Variants in GRIP1 observed in about 807,000 individuals in gnomAD.
GRIP1 encodes glutamate receptor-interacting protein 1.
A neutral mutation model predicts 129.9 loss-of-function variants in GRIP1; 45 were observed. The ratio of observed to expected loss-of-function variants is 0.35; its 90% CI spans 0.27 to 0.44. The LOEUF (loss-of-function observed/expected upper bound fraction) is 0.44. Among genes scored for constraint, GRIP1 ranks in the 20% least tolerant of loss-of-function variants. The probability of loss-of-function intolerance (pLI) is 1.00; values close to 1 mark genes in which losing one functional copy is unlikely to be tolerated. For synonymous variants in GRIP1, 530 were observed against 520.8 expected (o/e 1.02, Z -0.24); for missense variants, 1,196 against 1,396.8 (o/e 0.86, Z 2.29).
intron 7 of GRIP1, among the ~76,000 whole-genome samples, chr12:66,484,190 C>A (rs2059891316): frequency 6.6e-6 from 1 of 152,216 alleles, no homozygotes; most frequent in Non-Finnish European, 1.5e-5. Context: ...GATAAGTTAG[C>A]TTTGCTTACT....
intron 1 of GRIP1, among the ~76,000 whole-genome samples, chr12:66,998,054 G>A (rs915359446): frequency 1.3e-5 from 2 of 152,148 alleles, no homozygotes; most frequent in African/African-American, 4.8e-5. Flanking sequence ...AATAATAAAT[G>A]CCAGAAACCA....
At chr12:66,864,836 C>T (rs1483701075) in intron 1 of GRIP1, among the ~76,000 whole-genome samples, 1 of 152,158 alleles carries the variant, frequency 6.6e-6, no homozygotes, top group Non-Finnish European at 1.5e-5. Flanking sequence ...GTTCAAATCT[C>T]TTATCTCTGG....
At chr12:66,999,670 A>G (rs1404849235) in intron 1 of GRIP1, among the ~76,000 whole-genome samples, 1 of 152,212 alleles carries the variant, frequency 6.6e-6, no homozygotes, top group Non-Finnish European at 1.5e-5. Context: ...AGAACTATCT[A>G]AATAATTAAT....
chr12:67,008,294 A>G (rs2042656773), intron 1 of GRIP1, among the ~76,000 whole-genome samples: 1 of 152,230 alleles, frequency 6.6e-6, no homozygotes, highest in African/African-American at 2.4e-5. Context: ...GAAAATATGC[A>G]GAAATAGCTG....
At chr12:66,825,831 A>G (rs2137000080) in intron 1 of GRIP1, among the ~76,000 whole-genome samples, 1 of 152,326 alleles carries the variant, frequency 6.6e-6, no homozygotes, top group South Asian at 2.1e-4. Flanking sequence ...ATTTTTGATT[A>G]AGGACTGGAA....
At chr12:66,605,064 T>TATAC (rs1555215208) in intron 1 of GRIP1, among the ~76,000 whole-genome samples, 1 of 129,854 alleles carries the variant, frequency 7.7e-6, no homozygotes, top group African/African-American at 3.4e-5. Context: ...TATATATATA[T>TATAC]ACATATATAT....
In GRIP1 at chr12:66,371,868, A is replaced by T; in HGVS notation, c.2838T>A (p.Ser946Arg). ...GGAAGCTGGCCTGTCGCCCCAGCTG[A>T]CTGCGAGGTGTTGGAGCCTCATGAT... ...SLNHEAPTPR[S>R]QLGRQASFQE... The change falls in exon 23 of 25, where the codon AGT becomes AGA. Residue 946 changes from serine to arginine, a missense_variant. This residue lies in a region of GRIP1 where 427 missense variants were observed against 463.3 expected (regional missense o/e 0.92). Transcript: ENST00000359742. The T allele has an allele frequency of 6.2e-7, 1 of 1,613,634 alleles. No individual in the cohort carries two copies. The highest frequency in any genetic ancestry group is 8.5e-7 in the Non-Finnish European group (1 of 1,179,976).
chr12:66,696,627 CA>C (rs1475050645), intron 1 of GRIP1, among the ~76,000 whole-genome samples: 2 of 150,822 alleles, frequency 1.3e-5, no homozygotes, highest in Non-Finnish European at 3.0e-5. Flanking sequence ...CTAAAAAAAA[CA>C]AAAAACAAAA....
At chr12:66,790,661 T>C (rs2136853630) in intron 1 of GRIP1, among the ~76,000 whole-genome samples, 1 of 152,184 alleles carries the variant, frequency 6.6e-6, no homozygotes, top group South Asian at 2.1e-4. Context: ...AATGCCTTTA[T>C]AGCTAAAAGA....
chr12:66,416,669 A>G (rs1389763483), intron 15 of GRIP1, among the ~76,000 whole-genome samples: 1 of 152,206 alleles, frequency 6.6e-6, no homozygotes, highest in Non-Finnish European at 1.5e-5. Flanking sequence ...GGAAATGGGT[A>G]AATTCCTAGA....
At chr12:66,374,840 T>A (rs2055708647) in intron 22 of GRIP1, among the ~76,000 whole-genome samples, 1 of 152,210 alleles carries the variant, frequency 6.6e-6, no homozygotes, top group African/African-American at 2.4e-5. Flanking sequence ...GATTGCTTTG[T>A]TTAAAATGAA....
At chr12:66,395,362 A>C (rs1455168472) in intron 16 of GRIP1, among the ~76,000 whole-genome samples, 13 of 152,224 alleles carry the variant, frequency 8.5e-5, no homozygotes, top group Admixed American at 8.5e-4. Flanking sequence ...TTCAGTGGCT[A>C]CTTTAGCAAA....
At chr12:66,583,263 G>A (rs2063477419) in intron 2 of GRIP1, among the ~76,000 whole-genome samples, 2 of 150,324 alleles carry the variant, frequency 1.3e-5, no homozygotes, top group South Asian at 4.2e-4. Flanking sequence ...AATTCAAGAT[G>A]GATTAAAGAC....
intron 2 of GRIP1, among the ~76,000 whole-genome samples, chr12:66,585,341 G>A (rs1315502954): frequency 7.5e-6 from 1 of 133,942 alleles, no homozygotes; most frequent in Admixed American, 8.0e-5. Flanking sequence ...CTATGAGTGA[G>A]AATATGCGGT....
intron 1 of GRIP1, among the ~76,000 whole-genome samples, chr12:66,999,660 A>C (rs1278110921): frequency 6.6e-6 from 1 of 152,180 alleles, no homozygotes; most frequent in Non-Finnish European, 1.5e-5. Flanking sequence ...AGTGTAATAC[A>C]GAACTATCTA....
intron 1 of GRIP1, among the ~76,000 whole-genome samples, chr12:66,661,282 C>T (rs1482182635): frequency 1.3e-5 from 2 of 151,864 alleles, no homozygotes; most frequent in Non-Finnish European, 2.9e-5. Context: ...ACAGTTCTTC[C>T]GTTGGAGATT....
At position 67,036,757 on chromosome 12, in the gene GRIP1, C is replaced by T. The variant is rs1352265050; in HGVS notation, c.58+32293G>A. Among the ~76,000 whole-genome samples the T allele has an allele frequency of 3.9e-5, 6 of 152,248 alleles. No individual in the cohort carries two copies. In the South Asian group the frequency reaches 1.0e-3, roughly 26 times the overall value. On this transcript the variant is annotated intron_variant, in intron 1 of 1. Coordinates refer to the GRIP1 transcript ENST00000643019. ...CCTCTGGCAGCTTCAAATTACTAAA[C>T]CTACCCATCCATGGCTTCTACGACT...
intron 15 of GRIP1, among the ~76,000 whole-genome samples, chr12:66,413,666 T>C (rs1029130863): frequency 2.6e-5 from 4 of 152,190 alleles, no homozygotes; most frequent in Admixed American, 2.6e-4. Flanking sequence ...TTCAGGCTCA[T>C]ATTCTTGATA....
chr12:66,872,784 C>A (rs2040317907), intron 1 of GRIP1, among the ~76,000 whole-genome samples: 1 of 152,048 alleles, frequency 6.6e-6, no homozygotes, highest in African/African-American at 2.4e-5. Context: ...TCAAGTTTAC[C>A]TTATCAATTT....
Sources: gnomAD v4.1 joint callset for allele counts (sites outside exome capture counted in the v4.1 genomes callset) on GRCh38, gnomAD v4.1.1 for gene constraint, gnomAD v4.1.1 regional missense constraint, MANE v1.5 for transcripts, NCBI Gene and HGNC (gene_info 2026-07-23, HGNC 2026-07-21) for gene names.